TBC1D5: variants seen among roughly 807,000 people sequenced by gnomAD.
TBC1D5 encodes TBC1 domain family, member 5.
Under a neutral mutation model 100.3 loss-of-function variants are expected in TBC1D5, and 75 were observed. The observed-to-expected ratio is 0.75, with a 90% CI of 0.62 to 0.91. TBC1D5 has a LOEUF of 0.91. TBC1D5 is among the 40% of genes least tolerant of loss of function. TBC1D5 has a pLI of 0.00. For synonymous variants in TBC1D5, 323 were observed against 325.6 expected, an observed-to-expected ratio of 0.99 and a Z score of 0.09; for missense variants, 910 against 942.4, an observed-to-expected ratio of 0.97 and a Z score of 0.45.
chr3:17,226,690 G>A (rs934518054), intron 17 of TBC1D5, among the ~76,000 whole-genome samples: 6 of 152,100 alleles, frequency 3.9e-5, no homozygotes, highest in South Asian at 2.1e-4. Flanking sequence ...CAAAGCGGTC[G>A]GTTTAGCTCT....
At chr3:17,173,478 C>T (rs575515774) in intron 19 of TBC1D5, among the ~76,000 whole-genome samples, 2 of 152,172 alleles carry the variant, frequency 1.3e-5, no homozygotes, top group East Asian at 1.9e-4. Flanking sequence ...GCAATGGTAC[C>T]AAAGGGCTTG....
intron 2 of TBC1D5, among the ~76,000 whole-genome samples, chr3:17,623,142 G>A (rs1377893938): frequency 6.6e-6 from 1 of 152,084 alleles, no homozygotes; most frequent in African/African-American, 2.4e-5. Flanking sequence ...TCTGAATTAT[G>A]GCAGTGCTTC....
chr3:17,328,933 G>A (rs1484445194), intron 13 of TBC1D5, among the ~76,000 whole-genome samples: 1 of 152,192 alleles, frequency 6.6e-6, no homozygotes, highest in Non-Finnish European at 1.5e-5. Flanking sequence ...TAAGCTAAGG[G>A]ATGAGGAAAT....
At chr3:17,620,421 A>G (rs2062562420) in intron 2 of TBC1D5, among the ~76,000 whole-genome samples, 1 of 152,242 alleles carries the variant, frequency 6.6e-6, no homozygotes, top group African/African-American at 2.4e-5. Flanking sequence ...CAAGCATAAG[A>G]GATTGGTTGA....
chr3:17,380,284 T>C (rs1384872430), intron 9 of TBC1D5, among the ~76,000 whole-genome samples: 2 of 152,052 alleles, frequency 1.3e-5, no homozygotes, highest in Non-Finnish European at 2.9e-5. Flanking sequence ...GGAAATTAAG[T>C]CTTTTGAATA....
chr3:17,689,278 G>A (rs118146108), intron 1 of TBC1D5, among the ~76,000 whole-genome samples: 2,518 of 152,166 alleles, frequency 0.017, 53 homozygotes, highest in South Asian at 0.048. Flanking sequence ...AATGGCTCAC[G>A]ACTGTAATCC....
At chr3:17,687,253 CAT>C (rs1182220307) in intron 1 of TBC1D5, among the ~76,000 whole-genome samples, 3 of 152,054 alleles carry the variant, frequency 2.0e-5, no homozygotes, top group Non-Finnish European at 4.4e-5. Flanking sequence ...CTAAAAATTT[CAT>C]ATATCAAAAT....
chr3:17,577,150 C>A (rs1055795256), intron 2 of TBC1D5, among the ~76,000 whole-genome samples: 8 of 151,890 alleles, frequency 5.3e-5, no homozygotes, highest in African/African-American at 1.9e-4. Flanking sequence ...CTACAGTAAG[C>A]CCTCTATCAC....
intron 2 of TBC1D5, among the ~76,000 whole-genome samples, chr3:17,540,625 C>G (rs1207137462): frequency 1.3e-5 from 2 of 152,110 alleles, no homozygotes; most frequent in Middle Eastern, 3.4e-3. Context: ...AATCATTTGA[C>G]TGGCTGGGCA....
In TBC1D5 at chr3:17,400,928, G is replaced by A. The variant is rs938464983; in HGVS notation, c.509+2253C>T. Among the ~76,000 whole-genome samples the A allele has an allele frequency of 1.6e-4, 25 of 152,082 alleles. 1 individual carries two copies. Among genetic ancestry groups the A allele is most frequent in the Admixed American group, 1.4e-3 (22 of 15,254 alleles). On this transcript the variant is annotated intron_variant, in intron 8 of 21. Transcript: ENST00000253692. Reference sequence around the variant, plus strand: ...GCCATAGACTGAAGGCTGCACTGTCGGCTTCCCTACTTTTAAGGTGTTGGG... The same window carrying A: ...GCCATAGACTGAAGGCTGCACTGTCAGCTTCCCTACTTTTAAGGTGTTGGG...
chr3:17,287,490 A>G lies in TBC1D5; in HGVS notation c.1245+4405T>C, dbSNP rs115023729. Among the ~76,000 whole-genome samples, 307 of 152,348 alleles carry G rather than the reference A, an allele frequency of 2.0e-3. 1 individual carries two copies. The highest frequency in any genetic ancestry group is 6.9e-3 in the African/African-American group (285 of 41,582). On this transcript the variant is annotated intron_variant, in intron 15 of 21. Coordinates refer to ENST00000253692, the Ensembl canonical transcript of TBC1D5. ...CGAGGAGGGAATGAATAGATAGAAC[A>G]GTCATGATGCCACTCTAGCTAGCTT...
At chr3:17,233,211 C>T (rs150639346) in intron 17 of TBC1D5, among the ~76,000 whole-genome samples, 3 of 152,102 alleles carry the variant, frequency 2.0e-5, no homozygotes, top group Non-Finnish European at 2.9e-5. Context: ...TAACATAATG[C>T]GTAATTCAAA....
intron 16 of TBC1D5, among the ~76,000 whole-genome samples, chr3:17,252,044 C>T: frequency 6.6e-6 from 1 of 152,126 alleles, no homozygotes; most frequent in East Asian, 1.9e-4. Context: ...TTTCTTTATT[C>T]CAGAACATTC....
intron 1 of TBC1D5, among the ~76,000 whole-genome samples, chr3:17,653,533 C>A (rs1456659511): frequency 6.6e-5 from 10 of 151,860 alleles, no homozygotes; most frequent in African/African-American, 2.4e-4. Flanking sequence ...GTCTGAAGGT[C>A]ATGAAAGACA....
At chr3:17,685,313 G>A (rs17043909) in intron 1 of TBC1D5, among the ~76,000 whole-genome samples, 313 of 151,918 alleles carry the variant, frequency 2.1e-3, no homozygotes, top group African/African-American at 6.8e-3. Flanking sequence ...ACAATGCAGC[G>A]TCTAAAAGCA....
At chr3:17,462,821 T>C (rs1452894866) in intron 3 of TBC1D5, among the ~76,000 whole-genome samples, 1 of 152,214 alleles carries the variant, frequency 6.6e-6, no homozygotes, top group Non-Finnish European at 1.5e-5. Context: ...TGGATCTTCC[T>C]GGCATTGTTT....
At chr3:17,428,403 G>T (rs898062197) in intron 4 of TBC1D5, 47 bp downstream of exon 4, 2 of 486,212 alleles carry the variant, frequency 4.1e-6, no homozygotes, top group African/African-American at 2.2e-5. Flanking sequence ...ATATGTGTGT[G>T]TGTGTGTGTA....
intron 12 of TBC1D5, among the ~76,000 whole-genome samples, chr3:17,373,808 T>C (rs2092583489): frequency 6.6e-6 from 1 of 152,014 alleles, no homozygotes; most frequent in African/African-American, 2.4e-5. Context: ...AGCAAGTCCA[T>C]AGAGACAGAA....
intron 13 of TBC1D5, among the ~76,000 whole-genome samples, chr3:17,359,425 T>G (rs2091506592): frequency 6.6e-6 from 1 of 151,962 alleles, no homozygotes; most frequent in African/African-American, 2.4e-5. Context: ...CAGATAAAAT[T>G]ATACCGGTAA....
Sources: gnomAD v4.1 joint callset for allele counts (sites outside exome capture counted in the v4.1 genomes callset) on GRCh38, gnomAD v4.1.1 for gene constraint, MANE v1.5 for transcripts, NCBI Gene and HGNC (gene_info 2026-07-23, HGNC 2026-07-21) for gene names.